The following ASIC2 variants were observed in gnomAD, a reference collection of about 807,000 sequenced individuals.
ASIC2 encodes the protein acid-sensing ion channel 2.
Under a neutral mutation model 57.3 loss-of-function variants are expected in ASIC2, and 25 were observed. The observed-to-expected ratio is 0.44, with a 90% CI of 0.32 to 0.61. The LOEUF is 0.61. Ranked by LOEUF, ASIC2 falls within the 20% of genes least tolerant of loss-of-function variation. ASIC2 has a pLI of 0.06. For missense variants in ASIC2, 641 were observed against 738.1 expected, an observed-to-expected ratio of 0.87 and a Z score of 1.52; for synonymous variants, 319 against 307.5, an observed-to-expected ratio of 1.04 and a Z score of -0.39.
At chr17:33,987,718 G>C (rs1486652901) in intron 1 of ASIC2, among the ~76,000 whole-genome samples, 1 of 152,096 alleles carries the variant, frequency 6.6e-6, no homozygotes, top group Non-Finnish European at 1.5e-5. Flanking sequence ...AGGTGAAAGT[G>C]CCAAGGAATG....
At chr17:33,764,960 C>T (rs1910892046) in intron 1 of ASIC2, among the ~76,000 whole-genome samples, 1 of 152,142 alleles carries the variant, frequency 6.6e-6, no homozygotes, top group Non-Finnish European at 1.5e-5. Flanking sequence ...TGATGCTGAC[C>T]TGTAAAACTG....
At chr17:33,209,654 G>A (rs1386027583) in intron 1 of ASIC2, among the ~76,000 whole-genome samples, 1 of 152,230 alleles carries the variant, frequency 6.6e-6, no homozygotes, top group Non-Finnish European at 1.5e-5. Context: ...GAAGGCAGGT[G>A]CCATGTTTGT....
At chr17:33,610,054 G>GCGCGCGCACA (rs375575593) in intron 1 of ASIC2, among the ~76,000 whole-genome samples, 21 of 144,730 alleles carry the variant, frequency 1.5e-4, no homozygotes, top group African/African-American at 4.7e-4. Flanking sequence ...GGACAGAGGC[G>GCGCGCGCACA]CACACACACA....
chr17:33,427,681 C>T (rs185796393), intron 1 of ASIC2, among the ~76,000 whole-genome samples: 1 of 152,270 alleles, frequency 6.6e-6, no homozygotes, highest in East Asian at 1.9e-4. Context: ...GAGCCTCAGC[C>T]CCAAAGGGAC....
At chr17:33,549,390 A>G (rs73274954) in intron 1 of ASIC2, among the ~76,000 whole-genome samples, 16,448 of 152,124 alleles carry the variant, frequency 0.11, 2,363 homozygotes, top group African/African-American at 0.33. Flanking sequence ...GGTCCGTGCA[A>G]GTCTGCAATT....
At chr17:34,135,562 C>T (rs1394227831) in intron 1 of ASIC2, among the ~76,000 whole-genome samples, 1 of 152,156 alleles carries the variant, frequency 6.6e-6, no homozygotes, top group Non-Finnish European at 1.5e-5. Flanking sequence ...TTTTTTACAG[C>T]TCCCCAGGTG....
At chr17:34,086,433 T>C (rs1487347964) in intron 1 of ASIC2, among the ~76,000 whole-genome samples, 2 of 152,212 alleles carry the variant, frequency 1.3e-5, no homozygotes, top group African/African-American at 2.4e-5. Context: ...TTCTTTTACA[T>C]TTTCTGAGGA....
chr17:33,967,006 A>G (rs1289923406), intron 1 of ASIC2, among the ~76,000 whole-genome samples: 1 of 151,272 alleles, frequency 6.6e-6, no homozygotes, highest in African/African-American at 2.4e-5. Flanking sequence ...TCCCAGTGAC[A>G]CCTCACACTC....
At position 33,464,455 on chromosome 17, in the gene ASIC2, TTCTCTTTCTTTCTTTCTTTCTTTTC is replaced by T. The variant is rs1418481684; in HGVS notation, c.556-352413_556-352389del. 9.7e-3 allele frequency among the ~76,000 whole-genome samples: 667 copies of T among 68,514 alleles called. 38 individuals are homozygous for T. Among genetic ancestry groups the T allele is most frequent in the African/African-American group, 0.039 (483 of 12,422 alleles). The allele number at this position is 68,514 out of a possible 152,430, so 44.9% of individuals were successfully genotyped here. ...TACATCATTCTACACATGCCTCTTT[TTCTCTTTCTTTCTTTCTTTCTTTTC>T]TCTCTTTCTTTCTTTCTTTCTTTCT... On this transcript the variant is annotated intron_variant, in intron 1 of 9. Transcript: ENST00000359872.
chr17:33,690,081 G>A (rs1161279687), intron 1 of ASIC2, among the ~76,000 whole-genome samples: 1 of 152,154 alleles, frequency 6.6e-6, no homozygotes, highest in Non-Finnish European at 1.5e-5. Context: ...GCAAATAGAG[G>A]TATATATATT....
At chr17:33,215,149 C>T (rs1325921030) in intron 1 of ASIC2, among the ~76,000 whole-genome samples, 3 of 152,186 alleles carry the variant, frequency 2.0e-5, no homozygotes, top group Admixed American at 6.5e-5. Flanking sequence ...AATGATCTCT[C>T]ACCAGTCAAA....
chr17:33,375,380 T>C (rs1260339752), intron 1 of ASIC2, among the ~76,000 whole-genome samples: 1 of 139,442 alleles, frequency 7.2e-6, no homozygotes, highest in African/African-American at 2.7e-5. Context: ...GGCAGTGTGG[T>C]GGGGGCAGAG....
chr17:34,075,334 T>G (rs1292148957), intron 1 of ASIC2, among the ~76,000 whole-genome samples: 1 of 152,186 alleles, frequency 6.6e-6, no homozygotes, highest in East Asian at 1.9e-4. Context: ...AGGTTTGAGA[T>G]CAGTTTCTTC....
At chr17:33,464,532 CTT>C (rs1360493429) in intron 1 of ASIC2, among the ~76,000 whole-genome samples, 3,027 of 33,584 alleles carry the variant, frequency 0.09, 41 homozygotes, top group Non-Finnish European at 0.12. Context: ...TTCTTTCTTT[CTT>C]TCTTTCTCTT....
intron 1 of ASIC2, among the ~76,000 whole-genome samples, chr17:33,185,328 G>C (rs189352065): frequency 6.6e-6 from 1 of 152,086 alleles, no homozygotes; most frequent in Admixed American, 6.6e-5. Context: ...CAGCCTCTTG[G>C]GTGACTATTT....
At chr17:33,467,486 G>A (rs1912905266) in intron 1 of ASIC2, among the ~76,000 whole-genome samples, 1 of 152,170 alleles carries the variant, frequency 6.6e-6, no homozygotes, top group Non-Finnish European at 1.5e-5. Context: ...TGATGGGAAG[G>A]AGGAGGTAGG....
chr17:33,260,697 A>G (rs1025065387), intron 1 of ASIC2, among the ~76,000 whole-genome samples: 4 of 152,160 alleles, frequency 2.6e-5, no homozygotes, highest in Non-Finnish European at 4.4e-5. Context: ...AGATGCCGTG[A>G]TAGTCACCTC....
intron 1 of ASIC2, among the ~76,000 whole-genome samples, chr17:34,011,085 G>GCACA (rs140189283): frequency 0.088 from 3,273 of 37,380 alleles, 301 homozygotes; most frequent in East Asian, 0.18. Context: ...GCAGACACAT[G>GCACA]CACACACACA....
intron 1 of ASIC2, chr17:34,039,532 T>G: frequency 6.2e-7 from 1 of 1,613,920 alleles, no homozygotes; most frequent in Non-Finnish European, 8.5e-7. Flanking sequence ...GGATAAGGAA[T>G]GTTGCAGTGA....
Sources: allele counts gnomAD v4.1 joint callset (sites outside exome capture counted in the v4.1 genomes callset), GRCh38; gene constraint gnomAD v4.1.1; transcripts MANE v1.5; gene names NCBI Gene and HGNC (gene_info 2026-07-23, HGNC 2026-07-21).